The following KIAA0319 variants were observed in gnomAD, a reference collection of about 807,000 sequenced individuals.
KIAA0319 encodes dyslexia-associated protein KIAA0319.
KIAA0319 carries 83 observed loss-of-function variants against 108.4 expected under a neutral mutation model. The ratio of observed to expected loss-of-function variants is 0.77; its 90% CI spans 0.64 to 0.92. The LOEUF (loss-of-function observed/expected upper bound fraction) is 0.92. KIAA0319 is among the 40% of genes least tolerant of loss of function. KIAA0319 has a pLI of 0.00. For synonymous variants in KIAA0319, 484 were observed against 510.4 expected (o/e 0.95, Z 0.70); for missense variants, 1,195 against 1,322.4 (o/e 0.90, Z 1.49).
chr6:24,546,989 G>A lies in KIAA0319; in HGVS notation c.*176C>T, dbSNP rs1459481500. The A allele has an allele frequency of 1.7e-6, 1 of 603,994 alleles. No individual in the cohort carries two copies. The highest frequency in any genetic ancestry group is 2.9e-6 in the Non-Finnish European group (1 of 345,272). The allele number at this position is 603,994 out of a possible 1,614,324, so 37.4% of individuals were successfully genotyped here. On this transcript the variant is annotated 3_prime_UTR_variant, in exon 21 of 21. Transcript: ENST00000378214. ...ATTAACAAGCATCTCAGTTAAAAGA[G>A]CAAAGTTTTTGTTTTGTGCCTTCAA... is the stretch of plus-strand genomic sequence containing the variant.
In KIAA0319 at chr6:24,596,361, G is replaced by A. The variant is rs374371675; in HGVS notation, c.313C>T (p.Arg105Trp). The A allele has an allele frequency of 1.4e-5, 22 of 1,614,204 alleles. No homozygotes were observed. The highest frequency in any genetic ancestry group is 8.9e-5 in the East Asian group (4 of 44,882). ...PIRSYLTFVL[R>W]PVQRPAQLLD... ...AGCTGTGCAGGCCTCTGAACAGGCC[G>A]GAGCACAAAAGTGAGATAAGACCTG... Residue 105 changes from arginine (R) to tryptophan (W), a missense_variant, in exon 3 of 21, where the codon CGG becomes TGG. Coordinates refer to ENST00000378214, the MANE Select transcript of KIAA0319 (RefSeq NM_014809.4).
chr6:24,629,640 A>T (rs1582318848), intron 1 of KIAA0319, among the ~76,000 whole-genome samples: 1 of 152,032 alleles, frequency 6.6e-6, no homozygotes, highest in Non-Finnish European at 1.5e-5. Context: ...TACCTTTTTT[A>T]AAAATAAAAA....
chr6:24,632,304 G>A (rs761101), intron 1 of KIAA0319, among the ~76,000 whole-genome samples: 110,231 of 152,134 alleles, frequency 0.72, 40,839 homozygotes, highest in East Asian at 0.87. Flanking sequence ...TCCCAATACC[G>A]CCAGAGGTAA....
At chr6:24,600,308 T>C (rs933477823) in intron 2 of KIAA0319, among the ~76,000 whole-genome samples, 4 of 152,132 alleles carry the variant, frequency 2.6e-5, no homozygotes, top group African/African-American at 9.7e-5. Context: ...ATAAGATGGA[T>C]GGATGGAGGG....
chr6:24,582,762 A>T (rs1032343012), intron 5 of KIAA0319, among the ~76,000 whole-genome samples: 1 of 152,010 alleles, frequency 6.6e-6, no homozygotes, highest in Non-Finnish European at 1.5e-5. Flanking sequence ...AGTATAATAC[A>T]TTGTGCTTTT....
At chr6:24,553,605 A>C (rs989727531) in intron 19 of KIAA0319, among the ~76,000 whole-genome samples, 6 of 152,144 alleles carry the variant, frequency 3.9e-5, no homozygotes, top group African/African-American at 1.4e-4. Context: ...CCCTCATTTC[A>C]GAAAGAGTTC....
rs1246357920 is a variant in KIAA0319 at position 24,587,520 on chromosome 6, T to G, written c.994+1073A>C. On this transcript the variant is annotated intron_variant, in intron 4 of 20. Coordinates refer to ENST00000378214, the MANE Select transcript of KIAA0319 (RefSeq NM_014809.4). ...TGGTCTCGATCTCCTGACCTCATGA[T>G]CCACCCACCTCGGCCTCCCAAAGTG... 3.9e-5 allele frequency among the ~76,000 whole-genome samples: 6 copies of G among 152,116 alleles called. No homozygotes were observed. The East Asian group carries it at 1.2e-3, about 29-fold the overall frequency.
intron 20 of KIAA0319, among the ~76,000 whole-genome samples, chr6:24,549,501 T>A (rs1020269345): frequency 6.6e-6 from 1 of 152,098 alleles, no homozygotes; most frequent in Non-Finnish European, 1.5e-5. Context: ...CCTCCTCTTC[T>A]GTGGCATTTT....
rs548731128 is a variant in KIAA0319, at chr6:24,563,303, G to A, written c.2591+56C>T. On this transcript the variant is annotated intron_variant, in intron 16 of 20. Transcript: ENST00000378214. The stretch of plus-strand genomic sequence containing the variant: ...ACAGTTTTCTACTGGACTGGGATGA[G>A]GTAAGAGCTGGAATTTTGTACGGCC... 21 of 1,558,252 alleles carry A rather than the reference G, an allele frequency of 1.3e-5. No individual in the cohort carries two copies. In the African/African-American group the frequency reaches 2.8e-4, roughly 21 times the overall value.
chr6:24,551,696 T>C (rs1358837420), intron 19 of KIAA0319, among the ~76,000 whole-genome samples, 171 bp from the exon 20 acceptor site: 5 of 152,180 alleles, frequency 3.3e-5, no homozygotes, highest in African/African-American at 1.2e-4. Flanking sequence ...AGAGGGCCAT[T>C]ATGCATCTTG....
chr6:24,622,081 C>T (rs1241093127), intron 1 of KIAA0319, among the ~76,000 whole-genome samples: 2 of 152,130 alleles, frequency 1.3e-5, no homozygotes, highest in African/African-American at 2.4e-5. Flanking sequence ...TATTCTGAAG[C>T]ACCACACCTC....
At chr6:24,583,016 C>T in intron 5 of KIAA0319, 1 of 941,272 alleles carries the variant, frequency 1.1e-6, no homozygotes, top group Non-Finnish European at 1.3e-6. Context: ...AATTAAGGAA[C>T]TAACCTGAAT....
At chr6:24,598,975 A>T in intron 2 of KIAA0319, 1 of 652,824 alleles carries the variant, frequency 1.5e-6, no homozygotes, top group Non-Finnish European at 2.8e-6. Context: ...AACAAGGTAA[A>T]GCTGGAGGAG....
In KIAA0319 at chr6:24,599,439, G is replaced by A; in HGVS notation, c.55+1610C>T. 1 of 554,204 alleles carries A rather than the reference G, an allele frequency of 1.8e-6. No homozygotes were observed. 34.3% of individuals were successfully genotyped at this position (554,204 alleles called of 1,614,324 possible). On this transcript the variant is annotated intron_variant, in intron 2 of 20. Transcript: ENST00000378214. The surrounding 1 kb of genome is among the most constrained non-coding windows in gnomAD (Gnocchi z 4.1). ...CAAGCTGGAGGCCACCCTGCAGTGG[G>A]CCATGCAGGACATGGCATGGCAGCT...
At position 24,547,345 on chromosome 6, in the gene KIAA0319, T is replaced by C. The variant is rs780765662; in HGVS notation, c.3041-2A>G. 1.2e-6 allele frequency: 2 copies of C among 1,613,348 alleles called. No homozygotes were observed. The highest frequency in any genetic ancestry group is 1.7e-6 in the Non-Finnish European group (2 of 1,179,394). On this transcript the variant is annotated splice_acceptor_variant, in intron 20 of 20. Transcript: ENST00000378214. LOFTEE classifies it high-confidence loss of function. ...GCTCTGTGCTTCGGTGCTTGATACC[T>C]AGAGAGAAGCACAGAAGCATCTGAG...
chr6:24,604,060 CCT>C (rs1313192591), intron 1 of KIAA0319, among the ~76,000 whole-genome samples: 2 of 152,290 alleles, frequency 1.3e-5, no homozygotes, highest in African/African-American at 4.8e-5. Context: ...GGGTGTAACA[CCT>C]CTGTGTCAGT....
chr6:24,627,353 G>C lies in KIAA0319; in HGVS notation c.-106+18383C>G, dbSNP rs558335185. Among the ~76,000 whole-genome samples, 3 of 152,194 alleles carry C rather than the reference G, an allele frequency of 2.0e-5. No homozygotes were observed. In the East Asian group the frequency reaches 5.8e-4, roughly 29 times the overall value. Reference sequence around the variant, plus strand: ...GTAATGTGCTACCTGATAACCTCCTGGTCAAAATTTCTGCTGAGGACTTAG... The same window carrying C: ...GTAATGTGCTACCTGATAACCTCCTCGTCAAAATTTCTGCTGAGGACTTAG... On this transcript the variant is annotated intron_variant, in intron 1 of 20. Coordinates refer to ENST00000378214, the MANE Select transcript of KIAA0319 (RefSeq NM_014809.4).
In KIAA0319 at chr6:24,595,878, T is replaced by C. The variant is rs557430583; in HGVS notation, c.796A>G (p.Lys266Glu). The C allele has an allele frequency of 1.4e-5, 22 of 1,595,926 alleles. No individual in the cohort carries two copies. Among genetic ancestry groups the C allele is most frequent in the Non-Finnish European group, 1.9e-5 (22 of 1,170,508 alleles). The part of the protein sequence containing the change: ...LQEQSSNSSG[K>E]EVLMPSHSLP... ...CACATCCTGAACACACTCACCTCTT[T>C]TCCAGAGCTGTTGCTGGATTGTTCC... is the stretch of plus-strand genomic sequence containing the variant. Residue 266 changes from lysine (K) to glutamate (E), a missense_variant, in exon 3 of 21, where the codon AAA becomes GAA. Lys to Glu is a moderately conservative substitution (Grantham distance 56, BLOSUM62 1). Coordinates refer to ENST00000378214, the MANE Select transcript of KIAA0319 (RefSeq NM_014809.4).
chr6:24,594,198 C>CAAAAAAAAAAAAAAAAAAAAAAAAAAA (rs761107947), intron 3 of KIAA0319, among the ~76,000 whole-genome samples: 1 of 54,398 alleles, frequency 1.8e-5, no homozygotes, highest in Non-Finnish European at 3.1e-5. Flanking sequence ...GACTCTGTCT[C>CAAAAAAAAAAAAAAAAAAAAAAAAAAA]AAAAAAAAAA....
Sources: allele counts gnomAD v4.1 joint callset (sites outside exome capture counted in the v4.1 genomes callset), GRCh38; gene constraint gnomAD v4.1.1; non-coding constraint Gnocchi (gnomAD v3.1); transcripts MANE v1.5; gene names NCBI Gene and HGNC (gene_info 2026-07-23, HGNC 2026-07-21).